Variants in IGF2BP3 observed in about 807,000 individuals in gnomAD.
IGF2BP3 encodes insulin like growth factor 2 mRNA binding protein 3.
IGF2BP3 carries 9 observed loss-of-function variants against 73.8 expected under a neutral mutation model. The observed-to-expected ratio is 0.12, with a 90% CI of 0.07 to 0.21. The LOEUF (loss-of-function observed/expected upper bound fraction) is 0.21, where lower values mean the gene tolerates loss of function less well. Ranked by LOEUF, IGF2BP3 falls within the 10% of genes least tolerant of loss-of-function variation. The pLI, the probability that IGF2BP3 is intolerant of heterozygous loss-of-function variation, is 1.00. For missense variants in IGF2BP3, 542 were observed against 714.0 expected, an observed-to-expected ratio of 0.76 and a Z score of 2.75; for synonymous variants, 258 against 256.7, an observed-to-expected ratio of 1.01 and a Z score of -0.05.
intron 10 of IGF2BP3, among the ~76,000 whole-genome samples, chr7:23,322,108 C>G (rs188077883): frequency 6.6e-6 from 1 of 152,106 alleles, no homozygotes; most frequent in African/African-American, 2.4e-5. Context: ...AGGCTTCAGA[C>G]AATCCAATTA....
chr7:23,368,175 A>G (rs1785434479), intron 3 of IGF2BP3, among the ~76,000 whole-genome samples: 1 of 152,188 alleles, frequency 6.6e-6, no homozygotes, highest in East Asian at 1.9e-4. Flanking sequence ...TGACTGATGA[A>G]TGGAAACAAA....
At chr7:23,428,870 G>T (rs1201794615) in intron 2 of IGF2BP3, among the ~76,000 whole-genome samples, 3 of 152,006 alleles carry the variant, frequency 2.0e-5, no homozygotes, top group African/African-American at 7.2e-5. Context: ...TATTTTGCTT[G>T]TATCAATCTT....
intron 11 of IGF2BP3, among the ~76,000 whole-genome samples, chr7:23,317,997 A>C (rs1004584204): frequency 2.3e-4 from 35 of 152,236 alleles, no homozygotes; most frequent in Middle Eastern, 3.4e-3. Flanking sequence ...TCCACTTCAC[A>C]AATGCGGAAA....
intron 2 of IGF2BP3, among the ~76,000 whole-genome samples, chr7:23,442,859 G>C (rs1161489426): frequency 1.3e-5 from 2 of 151,914 alleles, no homozygotes; most frequent in East Asian, 3.9e-4. Flanking sequence ...CTAGTCCTTT[G>C]ATAAATTCAG....
At chr7:23,394,260 A>C (rs1214298831) in intron 3 of IGF2BP3, among the ~76,000 whole-genome samples, 1 of 152,194 alleles carries the variant, frequency 6.6e-6, no homozygotes, top group African/African-American at 2.4e-5. Context: ...TAAGCCCAGG[A>C]GTTGGAGACC....
chr7:23,363,548 T>C (rs1785287001), intron 3 of IGF2BP3, among the ~76,000 whole-genome samples: 1 of 152,182 alleles, frequency 6.6e-6, no homozygotes, highest in Non-Finnish European at 1.5e-5. Flanking sequence ...CCTGGCCTGG[T>C]TTTTCTTTTA....
intron 12 of IGF2BP3, 108 bp from the exon 13 acceptor site, chr7:23,313,761 A>G: frequency 1.0e-6 from 1 of 974,398 alleles, no homozygotes. Flanking sequence ...TTGCAGTGAT[A>G]CATCTACATT....
intron 12 of IGF2BP3, among the ~76,000 whole-genome samples, chr7:23,315,532 T>C (rs1371835147): frequency 1.3e-5 from 2 of 152,204 alleles, no homozygotes; most frequent in African/African-American, 4.8e-5. Context: ...GAGAGTTGGT[T>C]TGACAAGCTG....
chr7:23,464,663 A>C (rs1242680723), intron 2 of IGF2BP3, among the ~76,000 whole-genome samples: 2 of 151,824 alleles, frequency 1.3e-5, no homozygotes, highest in Non-Finnish European at 2.9e-5. Context: ...CAGCCTGGGC[A>C]ACAGAGAGAG....
In IGF2BP3 at chr7:23,382,018, G is replaced by A. The variant is rs181806232; in HGVS notation, c.286-20277C>T. On this transcript the variant is annotated intron_variant, in intron 3 of 14. Transcript: ENST00000258729. ...CACCTGTAATCCCAGCACCTTGGGA[G>A]GCTGAGGCGGGAGAATCACTCAAGC... Among the ~76,000 whole-genome samples, 293 of 152,292 alleles carry A rather than the reference G, an allele frequency of 1.9e-3. 1 individual carries two copies. The highest frequency in any genetic ancestry group is 6.5e-3 in the African/African-American group (272 of 41,574).
intron 2 of IGF2BP3, among the ~76,000 whole-genome samples, chr7:23,447,636 C>A (rs1172992110): frequency 6.6e-6 from 1 of 151,436 alleles, no homozygotes; most frequent in South Asian, 2.1e-4. Context: ...AAAAAAACAA[C>A]AACAACAAAA....
At chr7:23,395,751 C>A (rs1024873257) in intron 3 of IGF2BP3, among the ~76,000 whole-genome samples, 1 of 151,990 alleles carries the variant, frequency 6.6e-6, no homozygotes. Context: ...CATGGTAAAA[C>A]CCTGTCTTTA....
intron 3 of IGF2BP3, among the ~76,000 whole-genome samples, chr7:23,385,145 A>C (rs1433179681): frequency 1.3e-5 from 2 of 152,236 alleles, no homozygotes; most frequent in African/African-American, 4.8e-5. Context: ...ATAGAATTGG[A>C]AAATGACCTT....
chr7:23,405,666 C>T (rs981674695), intron 3 of IGF2BP3, among the ~76,000 whole-genome samples: 4 of 152,126 alleles, frequency 2.6e-5, no homozygotes, highest in Non-Finnish European at 1.5e-5. Flanking sequence ...ACTGCGCACG[C>T]GAGGGATCTA....
At chr7:23,322,390 G>C (rs973001296) in intron 10 of IGF2BP3, among the ~76,000 whole-genome samples, 26 of 152,252 alleles carry the variant, frequency 1.7e-4, no homozygotes, top group African/African-American at 4.3e-4. Context: ...AAAAAGAAAC[G>C]AGCAAAGCCT....
intron 10 of IGF2BP3, among the ~76,000 whole-genome samples, chr7:23,334,742 C>A (rs1252516052): frequency 6.6e-6 from 1 of 152,178 alleles, no homozygotes; most frequent in African/African-American, 2.4e-5. Context: ...CAAAGCTGCT[C>A]AACTGAAAGT....
At chr7:23,432,374 C>T (rs1490407668) in intron 2 of IGF2BP3, among the ~76,000 whole-genome samples, 2 of 152,160 alleles carry the variant, frequency 1.3e-5, no homozygotes, top group African/African-American at 2.4e-5. Flanking sequence ...TTTTATACTT[C>T]CTTAGGACAT....
At chr7:23,331,191 T>C (rs1267183364) in intron 10 of IGF2BP3, among the ~76,000 whole-genome samples, 6 of 152,226 alleles carry the variant, frequency 3.9e-5, no homozygotes, top group African/African-American at 1.4e-4. Context: ...ATACATGTAC[T>C]ACCATGATGA....
Position 23,343,656 on chromosome 7 carries a change from G to C in IGF2BP3, c.1077+62C>G, listed in dbSNP as rs935009589. 3 of 1,486,228 alleles carry C rather than the reference G, an allele frequency of 2.0e-6. No individual in the cohort carries two copies. The African/African-American group carries it at 4.1e-5, about 21-fold the overall frequency. The allele number at this position is 1,486,228 out of a possible 1,614,324, so 92.1% of individuals were successfully genotyped here. A position where few individuals can be genotyped will look rare whatever the true frequency, so the allele number is the denominator to read the frequency against. On this transcript the variant is annotated intron_variant, in intron 9 of 14. Transcript: ENST00000258729. ...CACAAAAGAATTCAATATTAATGCA[G>C]TTAAAAACATTGTTTTAACTATTTG...
Sources: allele counts gnomAD v4.1 joint callset (sites outside exome capture counted in the v4.1 genomes callset), GRCh38; gene constraint gnomAD v4.1.1; transcripts MANE v1.5; gene names NCBI Gene and HGNC (gene_info 2026-07-23, HGNC 2026-07-21).